Variants in MMP16 observed in about 807,000 individuals in gnomAD.
MMP16 encodes the protein matrix metallopeptidase 16.
In MMP16, 12 loss-of-function variants were observed where a neutral mutation model predicts 67.8. The ratio of observed to expected loss-of-function variants is 0.18; its 90% CI spans 0.11 to 0.29. The LOEUF (loss-of-function observed/expected upper bound fraction) is 0.29, where lower values mean the gene tolerates loss of function less well. MMP16 is among the 10% of genes least tolerant of loss of function. The pLI is 1.00. For missense variants in MMP16, 475 were observed against 765.7 expected, an observed-to-expected ratio of 0.62 and a Z score of 4.48; for synonymous variants, 249 against 255.9, an observed-to-expected ratio of 0.97 and a Z score of 0.26.
intron 4 of MMP16, among the ~76,000 whole-genome samples, chr8:88,135,084 GCT>G (rs528320582): frequency 2.8e-3 from 427 of 151,164 alleles, no homozygotes; most frequent in Non-Finnish European, 4.7e-3. Context: ...CTACTTTAAA[GCT>G]CTTTTTATTA....
At chr8:88,174,273 C>T (rs181868110) in intron 3 of MMP16, among the ~76,000 whole-genome samples, 22 of 152,126 alleles carry the variant, frequency 1.4e-4, no homozygotes, top group African/African-American at 4.6e-4. Context: ...GTCCCATTGG[C>T]CATTTGTCAC....
intron 6 of MMP16, among the ~76,000 whole-genome samples, chr8:88,075,841 A>T (rs1400563644): frequency 1.3e-5 from 2 of 151,898 alleles, no homozygotes; most frequent in Non-Finnish European, 2.9e-5. Context: ...CTTACATATT[A>T]TATAAGTGAT....
At chr8:88,296,000 A>C (rs1205347609) in intron 1 of MMP16, among the ~76,000 whole-genome samples, 2 of 151,958 alleles carry the variant, frequency 1.3e-5, no homozygotes, top group African/African-American at 4.8e-5. Flanking sequence ...ACATTAATAA[A>C]AATTTCATAT....
At chr8:88,162,048 C>G (rs965203055) in intron 4 of MMP16, among the ~76,000 whole-genome samples, 25 of 151,752 alleles carry the variant, frequency 1.6e-4, no homozygotes, top group Non-Finnish European at 1.9e-4. Flanking sequence ...CCTTTATTAA[C>G]AACTCTATAT....
intron 1 of MMP16, among the ~76,000 whole-genome samples, chr8:88,317,392 C>A (rs1811390227): frequency 6.6e-6 from 1 of 152,116 alleles, no homozygotes; most frequent in Admixed American, 6.6e-5. Flanking sequence ...AGAGGACTTG[C>A]CAAAGGCTGA....
chr8:88,091,954 A>G (rs890549888), intron 6 of MMP16, among the ~76,000 whole-genome samples: 1 of 151,840 alleles, frequency 6.6e-6, no homozygotes, highest in African/African-American at 2.4e-5. Context: ...CTAGAAAATA[A>G]CATTTTAGCA....
At chr8:88,115,360 T>TAA (rs1176896919) in intron 6 of MMP16, among the ~76,000 whole-genome samples, 1 of 152,058 alleles carries the variant, frequency 6.6e-6, no homozygotes, top group Non-Finnish European at 1.5e-5. Flanking sequence ...CTAAGTTTAT[T>TAA]AAACTACTTG....
At chr8:88,263,163 G>C (rs1810417694) in intron 1 of MMP16, among the ~76,000 whole-genome samples, 1 of 151,848 alleles carries the variant, frequency 6.6e-6, no homozygotes, top group African/African-American at 2.4e-5. Context: ...AACACCCTTT[G>C]CTCTGTGCAT....
chr8:88,281,424 A>T (rs1810734450), intron 1 of MMP16, among the ~76,000 whole-genome samples: 1 of 152,200 alleles, frequency 6.6e-6, no homozygotes, highest in Admixed American at 6.5e-5. Flanking sequence ...GAGGAAGGTG[A>T]AACCCATTTT....
intron 4 of MMP16, among the ~76,000 whole-genome samples, chr8:88,139,057 A>C (rs1808169109): frequency 6.6e-6 from 1 of 152,104 alleles, no homozygotes; most frequent in African/African-American, 2.4e-5. Context: ...AATTATCTCT[A>C]GGTTATTTTG....
intron 6 of MMP16, among the ~76,000 whole-genome samples, chr8:88,083,649 A>G (rs1443126721): frequency 6.6e-6 from 1 of 152,104 alleles, no homozygotes; most frequent in Non-Finnish European, 1.5e-5. Context: ...AATTAACTAT[A>G]AGAAAGAGTT....
At chr8:88,312,461 A>G (rs981841250) in intron 1 of MMP16, among the ~76,000 whole-genome samples, 3 of 152,204 alleles carry the variant, frequency 2.0e-5, no homozygotes, top group African/African-American at 7.2e-5. Context: ...TAACAGCTCT[A>G]TTGAGGTATG....
rs142006673 is a variant in MMP16 at position 88,074,692 on chromosome 8, T to A, written c.1135A>T (p.Met379Leu). The A allele has an allele frequency of 1.5e-5, 25 of 1,613,568 alleles. No individual in the cohort carries two copies. Among genetic ancestry groups the A allele is most frequent in the Non-Finnish European group, 1.9e-5 (23 of 1,179,748 alleles). The change falls in exon 7 of 10, where the codon ATG (methionine) becomes TTG (leucine). Residue 379 changes from methionine (M) to leucine (L), a missense_variant. Physicochemically the swap from Met to Leu is conservative, Grantham distance 15. Around this residue, in one of 5 missense-constraint regions of MMP16, gnomAD observed 195 missense variants for 300.9 expected, o/e 0.65. Coordinates refer to ENST00000286614, the MANE Select transcript of MMP16 (RefSeq NM_005941.5). ...CCCCGCCAGAAGTAAGTAATTTGCA[T>A]TGGGTATCCATCCATCACCCTGTTG... ...RNNRVMDGYP[M>L]QITYFWRGLP...
chr8:88,241,960 T>C (rs943216806), intron 1 of MMP16, among the ~76,000 whole-genome samples: 1 of 152,206 alleles, frequency 6.6e-6, no homozygotes, highest in Non-Finnish European at 1.5e-5. Context: ...TACATAATTA[T>C]AGGTATCTTA....
intron 1 of MMP16, among the ~76,000 whole-genome samples, chr8:88,269,329 TA>T (rs797009720): frequency 3.9e-5 from 6 of 152,074 alleles, no homozygotes; most frequent in African/African-American, 1.4e-4. Context: ...ACCTAAAACA[TA>T]AAAAGAGCAA....
At chr8:88,105,886 T>C (rs1441644286) in intron 6 of MMP16, among the ~76,000 whole-genome samples, 3 of 151,110 alleles carry the variant, frequency 2.0e-5, no homozygotes, top group Non-Finnish European at 3.0e-5. Context: ...CAAAAAAGAA[T>C]AAAATATTAA....
At chr8:88,164,069 G>T (rs1206189999) in intron 4 of MMP16, among the ~76,000 whole-genome samples, 1 of 152,058 alleles carries the variant, frequency 6.6e-6, no homozygotes, top group Non-Finnish European at 1.5e-5. Flanking sequence ...TGAAGTAAGG[G>T]TTACTGGCAG....
At chr8:88,152,330 T>C (rs1278594331) in intron 4 of MMP16, among the ~76,000 whole-genome samples, 6 of 123,530 alleles carry the variant, frequency 4.9e-5, no homozygotes, top group Non-Finnish European at 8.3e-5. Flanking sequence ...TTCCAATCAA[T>C]AGAAAAAGAG....
chr8:88,116,843 A>G, intron 5 of MMP16, 125 bp from the exon 6 acceptor site: 1 of 844,960 alleles, frequency 1.2e-6, no homozygotes, highest in Admixed American at 2.5e-5. Flanking sequence ...GGTCTTTAAG[A>G]TCGTATATTT....
Sources: allele counts gnomAD v4.1 joint callset (sites outside exome capture counted in the v4.1 genomes callset), GRCh38; gene constraint gnomAD v4.1.1; regional missense constraint gnomAD v4.1.1; transcripts MANE v1.5; gene names NCBI Gene and HGNC (gene_info 2026-07-23, HGNC 2026-07-21).